TMEM223: variants seen among roughly 807,000 people sequenced by gnomAD.
TMEM223 encodes the protein transmembrane protein 223.
Under a neutral mutation model 14.1 loss-of-function variants are expected in TMEM223, and 14 were observed. The ratio of observed to expected loss-of-function variants is 0.99; its 90% CI spans 0.66 to 1.55. TMEM223 has a LOEUF of 1.55. Ranked by LOEUF, TMEM223 falls within the 40% of genes most tolerant of loss-of-function variation. TMEM223 has a pLI of 0.00. For missense variants in TMEM223, 346 were observed against 269.9 expected (o/e 1.28, Z -1.97); for synonymous variants, 145 against 120.5 (o/e 1.20, Z -1.33).
At chr11:62,790,980 G>C in intron 1 of TMEM223, 65 bp from the exon 2 acceptor site, 1 of 1,436,338 alleles carries the variant, frequency 7.0e-7, no homozygotes, top group Admixed American at 2.8e-5. Flanking sequence ...GACCTTTCCA[G>C]TGCCCTCTGA....
rs571596496 is a variant in TMEM223 at position 62,782,460 on chromosome 11, G to A, written c.315-7795C>T. 181 of 1,106,556 alleles carry A rather than the reference G, an allele frequency of 1.6e-4. 1 individual carries two copies. The highest frequency in any genetic ancestry group is 7.2e-4 in the Admixed American group (29 of 40,030). 68.5% of individuals were successfully genotyped at this position (1,106,556 alleles called of 1,614,324 possible). ...GATGGGGAACCTTTTCCCTAGGAGC[G>A]TCCTAGCTGGTGTGCTGTGACACAC... On this transcript the variant is annotated intron_variant, in intron 1 of 2. Coordinates refer to the TMEM223 transcript ENST00000528367.
In TMEM223 at chr11:62,790,240, C is replaced by T. The variant is rs1414901576; in HGVS notation, c.*383G>A. On this transcript the variant is annotated 3_prime_UTR_variant, in exon 2 of 2. Transcript: ENST00000307366. ...TACCAAAATATTATATTACTGTCTT[C>T]ATCTTAGTAGTGAGTTTTTGATGTT... The T allele has an allele frequency of 9.4e-6, 6 of 639,206 alleles. No individual in the cohort carries two copies. Among genetic ancestry groups the T allele is most frequent in the African/African-American group, 1.8e-5 (1 of 54,552 alleles). The allele number at this position is 639,206 out of a possible 1,614,324, so 39.6% of individuals were successfully genotyped here.
chr11:62,782,020 C>T lies in TMEM223; in HGVS notation c.315-7355G>A, dbSNP rs778712506. 1.3e-5 allele frequency: 21 copies of T among 1,606,460 alleles called. No homozygotes were observed. In the Admixed American group the frequency reaches 3.0e-4, roughly 23 times the overall value. On this transcript the variant is annotated intron_variant, in intron 1 of 2. Coordinates refer to the TMEM223 transcript ENST00000528367. ...AATGTTTTATAAGGAAGAGATGACC[C>T]AGCAGGTGTAGGGCTCATGGCAAGT...
downstream of TMEM223, chr11:62,786,603 G>A: frequency 6.3e-7 from 1 of 1,586,024 alleles, no homozygotes; most frequent in Non-Finnish European, 8.6e-7. Flanking sequence ...GCCGGCGCCT[G>A]GACGACCTGC....
chr11:62,787,510 G>GC, downstream of TMEM223: 1 of 1,576,646 alleles, frequency 6.3e-7, no homozygotes, highest in Non-Finnish European at 8.5e-7. Context: ...GGCGGCCGCG[G>GC]CGATGACTCG....
chr11:62,782,561 TG>T, downstream of TMEM223: 1 of 1,361,300 alleles, frequency 7.3e-7, no homozygotes, highest in African/African-American at 1.4e-5. Flanking sequence ...CAGTCACCCC[TG>T]GCAGCCTTCT....
downstream of TMEM223, chr11:62,787,102 C>G (rs1354964033): frequency 1.9e-6 from 3 of 1,546,218 alleles, no homozygotes; most frequent in African/African-American, 4.2e-5. Context: ...CGGCGCCCCG[C>G]ACTTTCGTTT....
At chr11:62,782,867 A>G, downstream of TMEM223, 4 of 1,604,188 alleles carry the variant, frequency 2.5e-6, no homozygotes, top group South Asian at 2.2e-5. Flanking sequence ...AAGAACTCCC[A>G]TTTGTGTTAG....
chr11:62,787,241 G>A, downstream of TMEM223: 5 of 1,564,860 alleles, frequency 3.2e-6, no homozygotes, highest in Non-Finnish European at 4.3e-6. Flanking sequence ...GGCCGTACCA[G>A]CCGCCCCGCC....
intron 1 of TMEM223, chr11:62,781,610 GC>G: frequency 2.9e-6 from 1 of 340,226 alleles, no homozygotes; most frequent in Non-Finnish European, 5.5e-6. Flanking sequence ...GGGAGGTGGA[GC>G]TTGCAGTGAG....
chr11:62,778,582 C>A lies in TMEM223; in HGVS notation c.315-3917G>T, dbSNP rs138665335. The A allele has an allele frequency of 4.9e-6, 3 of 617,382 alleles. No homozygotes were observed. The East Asian group carries it at 8.2e-5, about 17-fold the overall frequency. 38.2% of individuals were successfully genotyped at this position (617,382 alleles called of 1,614,324 possible). On this transcript the variant is annotated intron_variant, in intron 1 of 2. Transcript: ENST00000528367. ...CAGAAGTCTGGGCAGCATGCTGGGG[C>A]GGTGTTTCACCCCCAGGGTATGCTG...
intron 1 of TMEM223, among the ~76,000 whole-genome samples, chr11:62,780,767 T>G (rs528362502): frequency 6.7e-6 from 1 of 148,364 alleles, no homozygotes; most frequent in Non-Finnish European, 1.5e-5. Context: ...CCGTTGGATA[T>G]CTACTAAAAA....
downstream of TMEM223, among the ~76,000 whole-genome samples, chr11:62,788,767 A>G (rs886787123): frequency 2.0e-5 from 3 of 151,812 alleles, no homozygotes; most frequent in African/African-American, 4.8e-5. Flanking sequence ...CACAGAGACC[A>G]TAACTTGTGA....
downstream of TMEM223, chr11:62,771,447 C>G (rs1205319205): frequency 6.4e-6 from 1 of 157,472 alleles, no homozygotes; most frequent in African/African-American, 2.4e-5. Flanking sequence ...CCGCCCCCGC[C>G]GCCGTCGTCT....
At chr11:62,777,020 G>A (rs1354622801) in intron 1 of TMEM223, among the ~76,000 whole-genome samples, 2 of 151,854 alleles carry the variant, frequency 1.3e-5, no homozygotes, top group Non-Finnish European at 2.9e-5. Flanking sequence ...GGCGGTGGGC[G>A]CCTGTAACCC....
At chr11:62,789,838 G>T (rs747474726), downstream of TMEM223, 2 of 1,589,404 alleles carry the variant, frequency 1.3e-6, no homozygotes, top group East Asian at 4.5e-5. Flanking sequence ...GGAAGGACTG[G>T]ATTTGAAATG....
intron 1 of TMEM223, chr11:62,781,902 C>G (rs1312947947): frequency 6.2e-7 from 1 of 1,614,118 alleles, no homozygotes; most frequent in Non-Finnish European, 8.5e-7. Flanking sequence ...AGGTTGCACT[C>G]CAGGACTTGC....
downstream of TMEM223, chr11:62,787,566 G>A (rs1424242149): frequency 1.3e-6 from 2 of 1,503,116 alleles, no homozygotes; most frequent in Non-Finnish European, 1.8e-6. Context: ...CGGGGGAGCT[G>A]GCCGGTCTGG....
At chr11:62,787,503 G>A, downstream of TMEM223, 1 of 1,577,640 alleles carries the variant, frequency 6.3e-7, no homozygotes, top group Non-Finnish European at 8.5e-7. Flanking sequence ...GGGCCGTGGC[G>A]GCCGCGGCGA....
Sources: gnomAD v4.1 joint callset for allele counts (sites outside exome capture counted in the v4.1 genomes callset) on GRCh38, gnomAD v4.1.1 for gene constraint, MANE v1.5 for transcripts, NCBI Gene and HGNC (gene_info 2026-07-23, HGNC 2026-07-21) for gene names.